Variants in AKNA observed in about 807,000 individuals in gnomAD.
The protein encoded by AKNA is AT-hook transcription factor.
AKNA carries 67 observed loss-of-function variants against 138.8 expected under a neutral mutation model. That is an observed-to-expected ratio of 0.48 (90% confidence interval 0.40 to 0.59). The LOEUF (loss-of-function observed/expected upper bound fraction) is 0.59. AKNA is among the 20% of genes least tolerant of loss of function. The probability of loss-of-function intolerance (pLI) is 0.00; values close to 1 mark genes in which losing one functional copy is unlikely to be tolerated. For missense variants in AKNA, 1,813 were observed against 1,880.4 expected (o/e 0.96, Z 0.66); for synonymous variants, 737 against 754.4 (o/e 0.98, Z 0.38).
In AKNA at chr9:114,336,941, TC is replaced by T. The variant is rs1830025085; in HGVS notation, c.*112del. The T allele has an allele frequency of 7.5e-7, 1 of 1,337,070 alleles. No homozygotes were observed. Among genetic ancestry groups the T allele is most frequent in the Non-Finnish European group, 9.8e-7 (1 of 1,016,940 alleles). 82.8% of individuals were successfully genotyped at this position (1,337,070 alleles called of 1,614,324 possible). On this transcript the variant is annotated 3_prime_UTR_variant, in exon 22 of 22. Transcript: ENST00000374088. ...CGGGACCTGTGCTGGAGGGAGACCCTCCTGGTGAGGAACTATGCGGGCCTTC... is the reference window on the plus strand; with the variant it reads ...CGGGACCTGTGCTGGAGGGAGACCCTCTGGTGAGGAACTATGCGGGCCTTC...
At chr9:114,372,078 CA>C (rs939368451) in intron 4 of AKNA, among the ~76,000 whole-genome samples, 6 of 152,184 alleles carry the variant, frequency 3.9e-5, no homozygotes, top group African/African-American at 1.4e-4. Flanking sequence ...TCCTTCAGGG[CA>C]GCTGTGAGAT....
At chr9:114,349,813 C>G (rs1161785084) in intron 15 of AKNA, among the ~76,000 whole-genome samples, 1 of 152,176 alleles carries the variant, frequency 6.6e-6, no homozygotes, top group South Asian at 2.1e-4. Flanking sequence ...TTAGCTCCTC[C>G]AAGGTGATGG....
chr9:114,348,961 G>A, intron 15 of AKNA: 1 of 456,296 alleles, frequency 2.2e-6, no homozygotes, highest in Non-Finnish European at 4.4e-6. Flanking sequence ...AGATGACTGT[G>A]TCAGAAGGAG....
chr9:114,367,516 C>G lies in AKNA; in HGVS notation c.1728+27G>C. The G allele has an allele frequency of 2.5e-6, 4 of 1,609,580 alleles. 1 individual carries two copies. The highest frequency in any genetic ancestry group is 3.4e-6 in the Non-Finnish European group (4 of 1,179,440). ...TGTTCTCCAGGTGAGTTAAGTCTCT[C>G]GGGGGCAAAGCTGGGAGTCCACTCA... On this transcript the variant is annotated intron_variant, in intron 6 of 21. Transcript: ENST00000374088.
At chr9:114,380,640 A>T (rs890964835) in intron 2 of AKNA, among the ~76,000 whole-genome samples, 3 of 152,174 alleles carry the variant, frequency 2.0e-5, no homozygotes, top group African/African-American at 7.2e-5. Flanking sequence ...CAGACTTTGT[A>T]GAATTTAATT....
intron 7 of AKNA, 132 bp from the exon 8 acceptor site, chr9:114,362,665 A>C: frequency 1.6e-6 from 2 of 1,254,422 alleles, no homozygotes; most frequent in Non-Finnish European, 2.1e-6. Context: ...TGCAAGATAC[A>C]GGCTGAGGTT....
chr9:114,398,277 T>C (rs1490464942), upstream of AKNA, among the ~76,000 whole-genome samples: 1 of 152,024 alleles, frequency 6.6e-6, no homozygotes, highest in Non-Finnish European at 1.5e-5. This position sits in a 1 kb window ranked among gnomAD's most constrained non-coding sequence, Gnocchi z 4.2. Flanking sequence ...CCCGTGCGCG[T>C]GGGGTTTCCA....
At chr9:114,395,956 A>C (rs1834520405), upstream of AKNA, among the ~76,000 whole-genome samples, 1 of 152,162 alleles carries the variant, frequency 6.6e-6, no homozygotes, top group African/African-American at 2.4e-5. Context: ...AACACCAGTG[A>C]GAAGCTGTGT....
rs745815196 is a variant in AKNA at position 114,357,948 on chromosome 9, C to G, written c.2712G>C (p.Leu904Phe). 6.2e-7 allele frequency: 1 copy of G among 1,601,454 alleles called. No homozygotes were observed. The highest frequency in any genetic ancestry group is 1.1e-5 in the South Asian group (1 of 89,602). Reference sequence around the variant, plus strand: ...CCAGGTGGGGCCCACCGCCTCGGTGCAAAGGCTTCTGTGGAAGGCGCTCAG... The same window carrying G: ...CCAGGTGGGGCCCACCGCCTCGGTGGAAAGGCTTCTGTGGAAGGCGCTCAG... ...GISERLPQKP[L>F]HRGGGPHLEE... The change falls in exon 12 of 22, where the codon TTG (leucine) becomes TTC (phenylalanine). Residue 904 changes from leucine (L) to phenylalanine (F), a missense_variant. Coordinates refer to ENST00000374088, the MANE Select transcript of AKNA (RefSeq NM_001317950.2).
At chr9:114,331,111 G>T (rs1829843529), downstream of AKNA, among the ~76,000 whole-genome samples, 1 of 152,056 alleles carries the variant, frequency 6.6e-6, no homozygotes, top group African/African-American at 2.4e-5. Context: ...AACTAGAATT[G>T]GAACTCCAGG....
rs1829976927 is a variant in AKNA at position 114,336,034 on chromosome 9, C to T, written c.*1020G>A. ...GAGGCAGGCAGAGCACCCAACAGGT[C>T]CCCTGGGAAAGGGCTTGGCTGGGCA... On this transcript the variant is annotated 3_prime_UTR_variant, in exon 22 of 22. Coordinates refer to ENST00000374088, the MANE Select transcript of AKNA (RefSeq NM_001317950.2). 6.6e-6 allele frequency: 1 copy of T among 152,210 alleles called. No individual in the cohort carries two copies. The highest frequency in any genetic ancestry group is 6.5e-5 in the Admixed American group (1 of 15,276). 9.4% of individuals were successfully genotyped at this position (152,210 alleles called of 1,614,324 possible).
At chr9:114,346,919 C>T (rs914745622) in intron 16 of AKNA, 135 bp from the exon 17 acceptor site, 2 of 692,416 alleles carry the variant, frequency 2.9e-6, no homozygotes, top group Non-Finnish European at 2.3e-6. Flanking sequence ...CAAAGCCAGA[C>T]TCTGAAGTCA....
chr9:114,396,730 T>G (rs1014147550), upstream of AKNA: 2 of 152,092 alleles, frequency 1.3e-5, no homozygotes, highest in Non-Finnish European at 2.9e-5. Flanking sequence ...CCAACCTCAT[T>G]TTGTGGAAGG....
At chr9:114,382,588 G>GAA (rs72172564) in intron 1 of AKNA, among the ~76,000 whole-genome samples, 190 of 84,750 alleles carry the variant, frequency 2.2e-3, no homozygotes, top group African/African-American at 5.6e-3. Flanking sequence ...GTCTCAAAAG[G>GAA]AAAAAAAAAA....
At chr9:114,373,513 G>C (rs1287405501) in intron 4 of AKNA, among the ~76,000 whole-genome samples, 1 of 152,172 alleles carries the variant, frequency 6.6e-6, no homozygotes, top group Non-Finnish European at 1.5e-5. Flanking sequence ...CACACAGCTG[G>C]TTAGCAATGG....
At chr9:114,384,076 A>G (rs568800140) in intron 1 of AKNA, among the ~76,000 whole-genome samples, 25 of 152,334 alleles carry the variant, frequency 1.6e-4, no homozygotes, top group African/African-American at 5.8e-4. Flanking sequence ...TCCTACAAAC[A>G]TGAGGGTAGA....
chr9:114,352,272 G>C (rs1264284348), intron 14 of AKNA, among the ~76,000 whole-genome samples: 1 of 152,158 alleles, frequency 6.6e-6, no homozygotes, highest in Admixed American at 6.5e-5. Context: ...TCTTATAACT[G>C]CATGTGAATC....
At chr9:114,386,244 G>GAGTAAA (rs1834022910) in intron 1 of AKNA, among the ~76,000 whole-genome samples, 1 of 152,186 alleles carries the variant, frequency 6.6e-6, no homozygotes, top group African/African-American at 2.4e-5. Context: ...ATATAGAAAA[G>GAGTAAA]AGTAAAAGTG....
chr9:114,374,063 C>A, intron 4 of AKNA, 30 bp downstream of exon 4: 2 of 1,551,214 alleles, frequency 1.3e-6, no homozygotes, highest in East Asian at 2.4e-5. Flanking sequence ...GGACTTGGGC[C>A]CATGCCTCCA....
Sources: gnomAD v4.1 joint callset for allele counts (sites outside exome capture counted in the v4.1 genomes callset) on GRCh38, gnomAD v4.1.1 for gene constraint, Gnocchi (gnomAD v3.1) non-coding constraint, MANE v1.5 for transcripts, NCBI Gene and HGNC (gene_info 2026-07-23, HGNC 2026-07-21) for gene names.